The following RAB11FIP5 variants were observed in gnomAD, a reference collection of about 807,000 sequenced individuals.
RAB11FIP5 encodes rab11 family-interacting protein 5.
Under a neutral mutation model 85.1 loss-of-function variants are expected in RAB11FIP5, and 48 were observed. The ratio of observed to expected loss-of-function variants is 0.56; its 90% CI spans 0.45 to 0.72. The LOEUF (loss-of-function observed/expected upper bound fraction) is 0.72, where lower values mean the gene tolerates loss of function less well. Among genes scored for constraint, RAB11FIP5 ranks in the 30% least tolerant of loss-of-function variants. RAB11FIP5 has a pLI of 0.00. For missense variants in RAB11FIP5, 1,491 were observed against 1,687.0 expected (o/e 0.88, Z 2.04); for synonymous variants, 729 against 727.3 (o/e 1.00, Z -0.04).
At chr2:73,093,451 A>C (rs968455744) in intron 1 of RAB11FIP5, among the ~76,000 whole-genome samples, 1 of 152,172 alleles carries the variant, frequency 6.6e-6, no homozygotes, top group African/African-American at 2.4e-5. Context: ...TTTCTTGTGG[A>C]TATTGACTGA....
intron 1 of RAB11FIP5, among the ~76,000 whole-genome samples, chr2:73,105,336 G>A (rs7593322): frequency 0.28 from 43,282 of 152,022 alleles, 7,955 homozygotes; most frequent in East Asian, 0.56. Flanking sequence ...TTGAACTCCC[G>A]GGCTCAAGTG....
intron 3 of RAB11FIP5, 104 bp downstream of exon 3, chr2:73,087,946 T>A: frequency 8.6e-7 from 1 of 1,160,870 alleles, no homozygotes; most frequent in East Asian, 2.4e-5. Context: ...CCCAGCAGCC[T>A]GCCTGAGGTC....
At chr2:73,083,681 C>T (rs545946669) in intron 3 of RAB11FIP5, among the ~76,000 whole-genome samples, 1 of 152,276 alleles carries the variant, frequency 6.6e-6, no homozygotes, top group East Asian at 1.9e-4. Context: ...CCAGACAAGC[C>T]CCAGGCCAAG....
intron 1 of RAB11FIP5, among the ~76,000 whole-genome samples, chr2:73,096,417 TGGG>T (rs1684321225): frequency 6.6e-6 from 1 of 152,118 alleles, no homozygotes; most frequent in African/African-American, 2.4e-5. Context: ...GACAGGGGTG[TGGG>T]GGCTATGGGT....
chr2:73,110,345 G>T (rs1217257200), intron 1 of RAB11FIP5, among the ~76,000 whole-genome samples: 1 of 152,218 alleles, frequency 6.6e-6, no homozygotes, highest in Non-Finnish European at 1.5e-5. Flanking sequence ...TACAGCCAGA[G>T]GTGGGGACCA....
Position 73,088,051 on chromosome 2 carries a change from T to C in RAB11FIP5, c.1567A>G (p.Ser523Gly). 6.3e-7 allele frequency: 1 copy of C among 1,588,722 alleles called. No individual in the cohort carries two copies. Among genetic ancestry groups the C allele is most frequent in the Non-Finnish European group, 8.6e-7 (1 of 1,166,400 alleles). ...REAKDPTQKP[S>G]LDVSPQVESD... ...AAGTTGGTCTTGCCAACGACTTACC[T>C]GGGTTTCTGAGTCGGGTCCTTGGCT... The change falls in exon 3 of 6, where the codon AGC becomes GGC. Residue 523 changes from serine (S) to glycine (G), a missense_variant and splice_region_variant. Transcript: ENST00000486777.
chr2:73,075,773 C>T lies in RAB11FIP5; in HGVS notation c.3772-49G>A. The T allele has an allele frequency of 6.5e-7, 1 of 1,531,312 alleles. No homozygotes were observed. 94.9% of individuals were successfully genotyped at this position (1,531,312 alleles called of 1,614,324 possible). A position where few individuals can be genotyped will look rare whatever the true frequency, so the allele number is the denominator to read the frequency against. ...AGCAGGGCAGCCCTAGGCCTGCCTG[C>T]CTGCCTGCCCGCTTGCCCGCCCGCC... On this transcript the variant is annotated intron_variant, in intron 5 of 5. Transcript: ENST00000486777. The surrounding 1 kb of genome is among the most constrained non-coding windows in gnomAD (Gnocchi z 4.6).
In RAB11FIP5 at chr2:73,088,644, T is replaced by C. The variant is rs769496407; in HGVS notation, c.974A>G (p.Gln325Arg). The C allele has an allele frequency of 2.8e-5, 45 of 1,613,132 alleles. No individual in the cohort carries two copies. The highest frequency in any genetic ancestry group is 3.8e-5 in the Non-Finnish European group (45 of 1,180,016). Residue 325 changes from glutamine (Q) to arginine (R), a missense_variant, in exon 3 of 6, where the codon CAG (glutamine) becomes CGG (arginine). Gln to Arg is a conservative substitution (Grantham distance 43). This residue lies in a region of RAB11FIP5 where 1,211 missense variants were observed against 1,338.0 expected (regional missense o/e 0.91). Coordinates refer to ENST00000486777, the MANE Select transcript of RAB11FIP5 (RefSeq NM_001371272.1). ...VAPPRALLDL[Q>R]GHLDAASRSS... is the part of the protein sequence containing the mutation. ...GCGGGAGGCAGCATCCAGGTGGCCC[T>C]GAAGGTCCAGAAGGGCCCGAGGAGG...
chr2:73,078,448 C>T lies in RAB11FIP5; in HGVS notation c.3581+1203G>A, dbSNP rs189176065. 3.9e-4 allele frequency among the ~76,000 whole-genome samples: 59 copies of T among 152,340 alleles called. No individual in the cohort carries two copies. Among genetic ancestry groups the T allele is most frequent in the African/African-American group, 1.4e-3 (57 of 41,578 alleles). On this transcript the variant is annotated intron_variant, in intron 4 of 5. Transcript: ENST00000486777. This position sits in a 1 kb window ranked among gnomAD's most constrained non-coding sequence, Gnocchi z 4.4. The stretch of plus-strand genomic sequence containing the variant: ...CAGCCGAGGACACTGCAACCACCAG[C>T]TCCCCCACATCCTCTCCCTCACCTC...
intron 1 of RAB11FIP5, among the ~76,000 whole-genome samples, chr2:73,106,324 G>A (rs867414092): frequency 6.6e-6 from 1 of 152,222 alleles, no homozygotes; most frequent in Non-Finnish European, 1.5e-5. Context: ...CATGATGGCC[G>A]ACAGGTCTCT....
rs766640108 is a variant in RAB11FIP5, at chr2:73,075,592, C to T, written c.3904G>A (p.Asp1302Asn). ...TCCATGATCCGCACCAGCAGCCGGT[C>T]GATGTAGCTCTCCAGCTCCTGCACA... ...EHVQELESYI[D>N]RLLVRIMETS... Residue 1302 changes from aspartate to asparagine, a missense_variant, in exon 6 of 6, where the codon GAC becomes AAC. Transcript: ENST00000486777. The surrounding 1 kb of genome is among the most constrained non-coding windows in gnomAD (Gnocchi z 4.6). 18 of 1,614,148 alleles carry T rather than the reference C, an allele frequency of 1.1e-5. No individual in the cohort carries two copies. Among genetic ancestry groups the T allele is most frequent in the Non-Finnish European group, 1.5e-5 (18 of 1,180,012 alleles).
Position 73,088,053 on chromosome 2 carries a change from G to C in RAB11FIP5, c.1565C>G (p.Pro522Arg), listed in dbSNP as rs1392662098. Residue 522 changes from proline to arginine, a missense_variant, in exon 3 of 6, where the codon CCC becomes CGC. Physicochemically the swap from Pro to Arg is moderately radical, Grantham distance 103. This residue lies in a region of RAB11FIP5 where 1,211 missense variants were observed against 1,338.0 expected (regional missense o/e 0.91). Coordinates refer to ENST00000486777, the MANE Select transcript of RAB11FIP5 (RefSeq NM_001371272.1). The stretch of plus-strand genomic sequence containing the variant: ...GTTGGTCTTGCCAACGACTTACCTG[G>C]GTTTCTGAGTCGGGTCCTTGGCTTC... ...LREAKDPTQK[P>R]SLDVSPQVES... 1 of 1,589,752 alleles carries C rather than the reference G, an allele frequency of 6.3e-7. No homozygotes were observed. Among genetic ancestry groups the C allele is most frequent in the East Asian group, 2.2e-5 (1 of 44,598 alleles).
rs138922725 is a variant in RAB11FIP5 at position 73,105,125 on chromosome 2, C to A, written c.431+7222G>T. Among the ~76,000 whole-genome samples, 3 of 152,322 alleles carry A rather than the reference C, an allele frequency of 2.0e-5. No homozygotes were observed. In the South Asian group the frequency reaches 6.2e-4, roughly 32 times the overall value. ...GCATGTGACGTCTTGGGAAGGATTA[C>A]GGAGTCTGGTATGTGCTGATGCCCC... On this transcript the variant is annotated intron_variant, in intron 1 of 5. Coordinates refer to ENST00000486777, the MANE Select transcript of RAB11FIP5 (RefSeq NM_001371272.1).
At chr2:73,093,891 C>A (rs1311249167) in intron 1 of RAB11FIP5, among the ~76,000 whole-genome samples, 1 of 152,128 alleles carries the variant, frequency 6.6e-6, no homozygotes, top group East Asian at 1.9e-4. Flanking sequence ...GAGGCCAAGG[C>A]GGGCAGATCA....
At position 73,078,597 on chromosome 2, in the gene RAB11FIP5, T is replaced by C. The variant is rs1683905269; in HGVS notation, c.3581+1054A>G. Among the ~76,000 whole-genome samples, 1 of 152,248 alleles carries C rather than the reference T, an allele frequency of 6.6e-6. No individual in the cohort carries two copies. Among genetic ancestry groups the C allele is most frequent in the Non-Finnish European group, 1.5e-5 (1 of 68,040 alleles). On this transcript the variant is annotated intron_variant, in intron 4 of 5. Transcript: ENST00000486777. The surrounding 1 kb of genome is among the most constrained non-coding windows in gnomAD (Gnocchi z 4.4). ...TTCTTCCCTTCTTGGGTCCACTTTA[T>C]CTTCCCCAGTGGATTGGACATTCCT...
Position 73,112,748 on chromosome 2 carries a change from C to T in RAB11FIP5, c.30G>A (p.Ala10=). The T allele has an allele frequency of 6.8e-7, 1 of 1,477,282 alleles. No individual in the cohort carries two copies. The highest frequency in any genetic ancestry group is 1.5e-5 in the African/African-American group (1 of 68,322). The allele number at this position is 1,477,282 out of a possible 1,614,324, so 91.5% of individuals were successfully genotyped here. A position where few individuals can be genotyped will look rare whatever the true frequency, so the allele number is the denominator to read the frequency against. MALVRGAEP[A]AGPSRWLPTH... ...TGGGCAGCCAGCGGGAAGGCCCCGCCGCCGGCTCCGCGCCCCGCACCAGGG... is the reference window on the plus strand; with the variant it reads ...TGGGCAGCCAGCGGGAAGGCCCCGCTGCCGGCTCCGCGCCCCGCACCAGGG... The change falls in exon 1 of 6, where the codon GCG becomes GCA. Residue 10 remains alanine (A), a synonymous_variant. Transcript: ENST00000486777.
chr2:73,080,415 TG>T lies in RAB11FIP5; in HGVS notation c.2816del (p.Pro939GlnfsTer40), dbSNP rs1683951665. ...GPETEGEDASPSALVVGPPET... is the reference protein window; with the variant it reads ...GPETEGEDASXSALVVGPPET... ...CCGGGGGACCGACAACCAGTGCACT[TG>T]GGGAGGCATCTTCTCCCTCTGTCTC... On this transcript the variant is annotated frameshift_variant, in exon 4 of 6. Coordinates refer to ENST00000486777, the MANE Select transcript of RAB11FIP5 (RefSeq NM_001371272.1). LOFTEE classifies it high-confidence loss of function. The T allele has an allele frequency of 1.6e-6, 2 of 1,233,136 alleles. No individual in the cohort carries two copies. Among genetic ancestry groups the T allele is most frequent in the Non-Finnish European group, 2.0e-6 (2 of 988,524 alleles). 76.4% of individuals were successfully genotyped at this position (1,233,136 alleles called of 1,614,324 possible). A position where few individuals can be genotyped will look rare whatever the true frequency, so the allele number is the denominator to read the frequency against.
In RAB11FIP5 at chr2:73,080,951, C is replaced by T. The variant is rs1402235222; in HGVS notation, c.2281G>A (p.Ala761Thr). 8.1e-7 allele frequency: 1 copy of T among 1,232,294 alleles called. No homozygotes were observed. Among genetic ancestry groups the T allele is most frequent in the Non-Finnish European group, 1.0e-6 (1 of 988,168 alleles). The allele number at this position is 1,232,294 out of a possible 1,614,324, so 76.3% of individuals were successfully genotyped here. A position where few individuals can be genotyped will look rare whatever the true frequency, so the allele number is the denominator to read the frequency against. ...TCCCTGTCTGGTTCTGAGCCTGAGG[C>T]TCTCAGCTGTAGCTGGGCTGACGAG... ...PSSSAQLQLR[A>T]SGSEPDRELP... The change falls in exon 4 of 6, where the codon GCC becomes ACC. Residue 761 changes from alanine (A) to threonine (T), a missense_variant. By Grantham distance (58) the Ala-to-Thr change is moderately conservative. This residue lies in a region of RAB11FIP5 where 1,211 missense variants were observed against 1,338.0 expected (regional missense o/e 0.91). Transcript: ENST00000486777.
At chr2:73,098,840 G>A (rs1684374973) in intron 1 of RAB11FIP5, among the ~76,000 whole-genome samples, 1 of 152,114 alleles carries the variant, frequency 6.6e-6, no homozygotes, top group African/African-American at 2.4e-5. Flanking sequence ...TGCAACAGTA[G>A]TACAGAAGTA....
Sources: allele counts gnomAD v4.1 joint callset (sites outside exome capture counted in the v4.1 genomes callset), GRCh38; gene constraint gnomAD v4.1.1; regional missense constraint gnomAD v4.1.1; non-coding constraint Gnocchi (gnomAD v3.1); transcripts MANE v1.5; gene names NCBI Gene and HGNC (gene_info 2026-07-23, HGNC 2026-07-21).